Variants in SKA2 observed in about 807,000 individuals in gnomAD.
The protein encoded by SKA2 is spindle and kinetochore associated complex subunit 2.
Under a neutral mutation model 16.9 loss-of-function variants are expected in SKA2, and 13 were observed. That is an observed-to-expected ratio of 0.77 (90% CI 0.50 to 1.22). SKA2 has a LOEUF of 1.22. Ranked by LOEUF, SKA2 falls within the 50% of genes most tolerant of loss-of-function variation. The pLI, the probability that SKA2 is intolerant of heterozygous loss-of-function variation, is 0.00. For synonymous variants in SKA2, 47 were observed against 48.5 expected (o/e 0.97, Z 0.13); for missense variants, 107 against 139.7 (o/e 0.77, Z 1.18).
chr17:59,126,564 C>T (rs182758146), intron 2 of SKA2, among the ~76,000 whole-genome samples: 53 of 152,266 alleles, frequency 3.5e-4, no homozygotes, highest in Admixed American at 2.9e-3. Flanking sequence ...TGTTCCTTTA[C>T]ATGTATATAA....
At chr17:59,127,822 A>G (rs1346236627) in intron 2 of SKA2, among the ~76,000 whole-genome samples, 2 of 152,214 alleles carry the variant, frequency 1.3e-5, no homozygotes, top group East Asian at 1.9e-4. Flanking sequence ...CTCGAGAGAA[A>G]TGAAAACACA....
chr17:59,139,378 C>T (rs1276531029), intron 1 of SKA2, among the ~76,000 whole-genome samples: 2 of 109,896 alleles, frequency 1.8e-5, no homozygotes, highest in African/African-American at 7.2e-5. Context: ...GCCTGGGCAA[C>T]AGAGCAAGAC....
intron 1 of SKA2, among the ~76,000 whole-genome samples, chr17:59,135,310 CTTTTT>C (rs71145527): frequency 7.9e-6 from 1 of 126,126 alleles, no homozygotes; most frequent in Non-Finnish European, 1.7e-5. Context: ...ACTAAACTGT[CTTTTT>C]TTTTTTTTTT....
At chr17:59,138,493 G>A (rs774395122) in intron 1 of SKA2, among the ~76,000 whole-genome samples, 8 of 151,836 alleles carry the variant, frequency 5.3e-5, no homozygotes, top group South Asian at 2.1e-4. Flanking sequence ...GGGCAGTGGC[G>A]CAATCTCAGC....
chr17:59,141,510 G>A (rs1054672973), intron 1 of SKA2, among the ~76,000 whole-genome samples: 2 of 152,066 alleles, frequency 1.3e-5, no homozygotes, highest in Non-Finnish European at 2.9e-5. Context: ...TAGATCACTT[G>A]AGCCCAGGAG....
At chr17:59,144,525 G>C (rs911355417) in intron 1 of SKA2, among the ~76,000 whole-genome samples, 2 of 152,136 alleles carry the variant, frequency 1.3e-5, no homozygotes, top group Non-Finnish European at 2.9e-5. Flanking sequence ...GTCCATGGAG[G>C]GATGAATGGA....
chr17:59,146,001 C>A (rs879443430), intron 1 of SKA2, among the ~76,000 whole-genome samples: 18 of 148,110 alleles, frequency 1.2e-4, no homozygotes, highest in Non-Finnish European at 2.4e-4. Context: ...AAAAAAAAAA[C>A]AAAAGGAAAC....
intron 1 of SKA2, among the ~76,000 whole-genome samples, chr17:59,134,571 T>C (rs77394180): frequency 9.9e-5 from 15 of 151,922 alleles, no homozygotes; most frequent in African/African-American, 3.4e-4. Context: ...TTTTTTTTTT[T>C]GGAGGAGTCT....
At chr17:59,154,240 C>T (rs986896790) in intron 1 of SKA2, among the ~76,000 whole-genome samples, 1 of 148,858 alleles carries the variant, frequency 6.7e-6, no homozygotes, top group Non-Finnish European at 1.5e-5. Flanking sequence ...GAAGACAGAA[C>T]AAGGACACTA....
intron 1 of SKA2, 142 bp from the exon 2 acceptor site, chr17:59,131,509 A>G: frequency 2.0e-6 from 1 of 510,026 alleles, no homozygotes; most frequent in Non-Finnish European, 3.4e-6. Context: ...TAAAAAGTAT[A>G]TAAAATATCC....
chr17:59,143,354 C>T (rs987937874), intron 1 of SKA2, among the ~76,000 whole-genome samples: 8 of 151,976 alleles, frequency 5.3e-5, no homozygotes, highest in African/African-American at 1.5e-4. Flanking sequence ...CAGGCCCCTA[C>T]CACCATACCT....
chr17:59,143,471 T>C (rs535355780), intron 1 of SKA2, among the ~76,000 whole-genome samples: 3 of 152,272 alleles, frequency 2.0e-5, no homozygotes, highest in African/African-American at 7.2e-5. Context: ...AACCTCCGCT[T>C]CTGGGGTTCA....
At position 59,111,483 on chromosome 17, in the gene SKA2, A is replaced by G. The variant is rs2147789165; in HGVS notation, c.*794T>C. On this transcript the variant is annotated 3_prime_UTR_variant, in exon 4 of 4. Transcript: ENST00000330137. ...AAATAAATAGTTATTTTAAAGGGAA[A>G]TTGACACATACATATAACACACTCA... The G allele has an allele frequency of 6.6e-6, 1 of 152,352 alleles. No homozygotes were observed. The highest frequency in any genetic ancestry group is 1.5e-5 in the Non-Finnish European group (1 of 68,038). The allele number at this position is 152,352 out of a possible 1,614,324, so 9.4% of individuals were successfully genotyped here. A position where few individuals can be genotyped will look rare whatever the true frequency, so the allele number is the denominator to read the frequency against.
chr17:59,149,229 T>C (rs1329764669), intron 1 of SKA2, among the ~76,000 whole-genome samples: 1 of 152,146 alleles, frequency 6.6e-6, no homozygotes, highest in African/African-American at 2.4e-5. Context: ...CACAAAGACA[T>C]ACTCATGGCG....
chr17:59,149,145 C>T (rs1340106515), intron 1 of SKA2, among the ~76,000 whole-genome samples: 1 of 151,868 alleles, frequency 6.6e-6, no homozygotes, highest in Non-Finnish European at 1.5e-5. Flanking sequence ...TTTTTTCCCC[C>T]AAGGATACAT....
intron 1 of SKA2, among the ~76,000 whole-genome samples, chr17:59,148,524 T>C (rs2046551430): frequency 6.6e-6 from 1 of 152,010 alleles, no homozygotes; most frequent in Non-Finnish European, 1.5e-5. Context: ...GCTCAGGTGA[T>C]CCTCCCATCT....
At chr17:59,126,184 GAATAAATAAATA>G (rs56288903) in intron 2 of SKA2, among the ~76,000 whole-genome samples, 22 of 149,538 alleles carry the variant, frequency 1.5e-4, no homozygotes, top group African/African-American at 4.2e-4. Context: ...ATAAATAAAT[GAATAAATAAATA>G]AATAAATAAA....
In SKA2 at chr17:59,114,008, C is replaced by T. The variant is rs553383845; in HGVS notation, c.298-1663G>A. 4.1e-4 allele frequency among the ~76,000 whole-genome samples: 63 copies of T among 152,224 alleles called. 1 individual carries two copies. In the South Asian group the frequency reaches 8.3e-3, roughly 20 times the overall value. Reference sequence around the variant, plus strand: ...TCAAGCTGACAGCAAATGGCTTTAACGGTGCTAGGTATCACAACTCTACAC... The same window carrying T: ...TCAAGCTGACAGCAAATGGCTTTAATGGTGCTAGGTATCACAACTCTACAC... On this transcript the variant is annotated intron_variant, in intron 3 of 3. Transcript: ENST00000330137.
At chr17:59,125,998 C>T (rs1428768348) in intron 2 of SKA2, among the ~76,000 whole-genome samples, 11 of 151,778 alleles carry the variant, frequency 7.2e-5, no homozygotes, top group Admixed American at 2.6e-4. Flanking sequence ...AGTGAAACCC[C>T]GCCTCTACTA....
Sources: allele counts gnomAD v4.1 joint callset (sites outside exome capture counted in the v4.1 genomes callset), GRCh38; gene constraint gnomAD v4.1.1; transcripts MANE v1.5; gene names NCBI Gene and HGNC (gene_info 2026-07-23, HGNC 2026-07-21).